Variants in BMPER observed in about 807,000 individuals in gnomAD.
The protein encoded by BMPER is BMP binding endothelial regulator.
A neutral mutation model predicts 87.3 loss-of-function variants in BMPER; 45 were observed. The observed-to-expected ratio is 0.52, with a 90% CI of 0.41 to 0.66. The LOEUF (loss-of-function observed/expected upper bound fraction) is 0.66. Ranked by LOEUF, BMPER falls within the 30% of genes least tolerant of loss-of-function variation. The pLI is 0.00. For synonymous variants in BMPER, 326 were observed against 316.2 expected (o/e 1.03, Z -0.33); for missense variants, 784 against 867.5 (o/e 0.90, Z 1.21).
chr7:34,031,560 T>G (rs532468747), intron 6 of BMPER, among the ~76,000 whole-genome samples: 1 of 152,052 alleles, frequency 6.6e-6, no homozygotes, highest in South Asian at 2.1e-4. Context: ...TTCTCCTAAC[T>G]TTTCAGAGGA....
At chr7:34,009,721 A>G (rs762629267) in intron 6 of BMPER, among the ~76,000 whole-genome samples, 1 of 151,858 alleles carries the variant, frequency 6.6e-6, no homozygotes, top group Admixed American at 6.6e-5. Context: ...AGAAACAAAA[A>G]ACTATTGTCA....
At chr7:33,984,299 C>G (rs1004314732) in intron 6 of BMPER, among the ~76,000 whole-genome samples, 51 of 152,168 alleles carry the variant, frequency 3.4e-4, no homozygotes, top group African/African-American at 1.2e-3. Context: ...AACCCTGTCT[C>G]TACTAAAAAT....
At chr7:33,989,797 G>A (rs953963051) in intron 6 of BMPER, among the ~76,000 whole-genome samples, 5 of 152,166 alleles carry the variant, frequency 3.3e-5, no homozygotes, top group African/African-American at 1.2e-4. Flanking sequence ...TTTGTATAAG[G>A]TGTAAGGAAG....
At chr7:34,099,138 T>C (rs1180103551) in intron 13 of BMPER, among the ~76,000 whole-genome samples, 1 of 152,202 alleles carries the variant, frequency 6.6e-6, no homozygotes, top group Non-Finnish European at 1.5e-5. Context: ...CTAAGGGCTT[T>C]CCCTGCAGGT....
intron 11 of BMPER, among the ~76,000 whole-genome samples, chr7:34,069,370 G>A (rs971532346): frequency 1.3e-5 from 2 of 152,192 alleles, no homozygotes; most frequent in Non-Finnish European, 2.9e-5. Flanking sequence ...CAAAATAAAA[G>A]CAACAAAAAT....
At chr7:34,134,770 C>T (rs898525446) in intron 13 of BMPER, among the ~76,000 whole-genome samples, 1 of 152,124 alleles carries the variant, frequency 6.6e-6, no homozygotes, top group African/African-American at 2.4e-5. Context: ...GATATATGGC[C>T]TTATCAAGGG....
intron 9 of BMPER, among the ~76,000 whole-genome samples, chr7:34,057,231 A>G (rs541184104): frequency 1.1e-4 from 17 of 152,100 alleles, no homozygotes; most frequent in African/African-American, 3.9e-4. Context: ...TTTCAGCCCA[A>G]CTCTGTTGTC....
At chr7:33,982,204 C>T (rs1364585920) in intron 6 of BMPER, among the ~76,000 whole-genome samples, 1 of 152,204 alleles carries the variant, frequency 6.6e-6, no homozygotes, top group Non-Finnish European at 1.5e-5. Flanking sequence ...GATGCCTGAA[C>T]CCTCTCTCAT....
chr7:34,078,756 A>C, intron 11 of BMPER, 101 bp from the exon 12 acceptor site: 1 of 1,258,656 alleles, frequency 7.9e-7, no homozygotes, highest in Admixed American at 1.7e-5. Flanking sequence ...CCCTTAGTGC[A>C]TTTCTGCTAA....
chr7:33,958,267 A>G (rs1244340279), intron 3 of BMPER, among the ~76,000 whole-genome samples: 2 of 152,208 alleles, frequency 1.3e-5, no homozygotes, highest in Non-Finnish European at 2.9e-5. Flanking sequence ...CCTATTGCTC[A>G]GGGCTGAATC....
chr7:33,908,099 G>T (rs1025376891), intron 2 of BMPER, among the ~76,000 whole-genome samples: 1 of 152,184 alleles, frequency 6.6e-6, no homozygotes, highest in East Asian at 1.9e-4. Context: ...ATATTTATGG[G>T]TTGCTGTGTT....
intron 11 of BMPER, 88 bp downstream of exon 11, chr7:34,062,135 A>G (rs766822242): frequency 2.5e-5 from 32 of 1,255,260 alleles, no homozygotes; most frequent in Non-Finnish European, 3.5e-5. Flanking sequence ...TGTTTCCCAC[A>G]CATTTTATTT....
chr7:34,074,198 G>A (rs551094580), intron 11 of BMPER, among the ~76,000 whole-genome samples: 148 of 152,324 alleles, frequency 9.7e-4, no homozygotes, highest in Middle Eastern at 3.4e-3. Context: ...ACTATTTCTG[G>A]TGGATTACAG....
chr7:34,137,325 G>A (rs1011689543), intron 13 of BMPER, among the ~76,000 whole-genome samples: 5 of 152,236 alleles, frequency 3.3e-5, no homozygotes, highest in Non-Finnish European at 5.9e-5. Flanking sequence ...GGCCTTGGCC[G>A]TATTAAGCAG....
rs1487302438 is a variant in BMPER at position 33,992,156 on chromosome 7, A to T, written c.576+17372A>T. ...GTCCACTTGGTGCAGAGCTGAGTTC[A>T]ATTCCTGGGTATCCTTGTTGACTTT... On this transcript the variant is annotated intron_variant, in intron 6 of 14. Coordinates refer to ENST00000649409, the MANE Select transcript of BMPER (RefSeq NM_001365308.1). Among the ~76,000 whole-genome samples, 3 of 150,272 alleles carry T rather than the reference A, an allele frequency of 2.0e-5. No individual in the cohort carries two copies. The South Asian group carries it at 6.4e-4, about 32-fold the overall frequency.
chr7:34,153,249 G>A lies in BMPER; in HGVS notation c.2034G>A (p.Lys678=). ...TCCTTCACAAGGGAAGGTGCATCAA[G>A]CCAGTCCTTTGTCCCCAGCGGTGAC... ...NLVLHKGRCI[K]PVLCPQR is the part of the protein sequence containing the mutation. Residue 678 remains lysine, a synonymous_variant, in exon 15 of 15, where the codon AAG becomes AAA. Coordinates refer to ENST00000649409, the MANE Select transcript of BMPER (RefSeq NM_001365308.1). The A allele has an allele frequency of 6.2e-7, 1 of 1,614,070 alleles. No homozygotes were observed. The highest frequency in any genetic ancestry group is 8.5e-7 in the Non-Finnish European group (1 of 1,179,982).
In BMPER at chr7:34,153,317, C is replaced by T. The variant is rs1440676895; in HGVS notation, c.*44C>T. On this transcript the variant is annotated 3_prime_UTR_variant, in exon 15 of 15. Transcript: ENST00000649409. ...AGACTCTGAAATCTGGTGACTTTGA[C>T]ACTGAAGCGGAAGAGCCAATGAAGG... 2.5e-6 allele frequency: 4 copies of T among 1,608,012 alleles called. No individual in the cohort carries two copies. The highest frequency in any genetic ancestry group is 2.6e-6 in the Non-Finnish European group (3 of 1,175,582).
intron 3 of BMPER, among the ~76,000 whole-genome samples, chr7:33,962,080 T>G (rs1349038947): frequency 6.6e-6 from 1 of 152,218 alleles, no homozygotes; most frequent in African/African-American, 2.4e-5. Context: ...AACAGCTATT[T>G]TAACAACAGA....
intron 3 of BMPER, among the ~76,000 whole-genome samples, chr7:33,958,842 C>T (rs1277213383): frequency 3.3e-5 from 5 of 152,028 alleles, no homozygotes; most frequent in Non-Finnish European, 1.5e-5. Flanking sequence ...GGCTCTGTGT[C>T]GCCACCCAAA....
Sources: gnomAD v4.1 joint callset for allele counts (sites outside exome capture counted in the v4.1 genomes callset) on GRCh38, gnomAD v4.1.1 for gene constraint, MANE v1.5 for transcripts, NCBI Gene and HGNC (gene_info 2026-07-23, HGNC 2026-07-21) for gene names.